Variants in EGF observed in about 807,000 individuals in gnomAD.
The protein encoded by EGF is pro-epidermal growth factor.
In EGF, 95 loss-of-function variants were observed where a neutral mutation model predicts 143.8. The ratio of observed to expected loss-of-function variants is 0.66; its 90% CI spans 0.56 to 0.78. The LOEUF (loss-of-function observed/expected upper bound fraction) is 0.78, where lower values mean the gene tolerates loss of function less well. Among genes scored for constraint, EGF ranks in the 30% least tolerant of loss-of-function variants. The pLI is 0.00. For synonymous variants in EGF, 510 were observed against 510.5 expected, an observed-to-expected ratio of 1.00 and a Z score of 0.01; for missense variants, 1,320 against 1,470.9, an observed-to-expected ratio of 0.90 and a Z score of 1.68.
intron 1 of EGF, among the ~76,000 whole-genome samples, chr4:109,930,613 T>C (rs1048337232): frequency 6.6e-6 from 1 of 152,234 alleles, no homozygotes; most frequent in African/African-American, 2.4e-5. Flanking sequence ...AATCTGGTTG[T>C]GGTTATCATT....
chr4:109,983,501 A>G lies in EGF; in HGVS notation c.2451A>G (p.Thr817=). Residue 817 remains threonine (T), a synonymous_variant, in exon 16 of 24, where the codon ACA becomes ACG. Coordinates refer to ENST00000265171, the MANE Select transcript of EGF (RefSeq NM_001963.6). ...CTAGAGTGTCAGAAGATAACATTAC[A>G]GAATCTCAACACATGCTAGTGGCTG... The part of the protein sequence containing the change: ...SKTRVSEDNI[T]ESQHMLVAEI... 1 of 1,613,872 alleles carries G rather than the reference A, an allele frequency of 6.2e-7. No individual in the cohort carries two copies. The highest frequency in any genetic ancestry group is 1.1e-5 in the South Asian group (1 of 91,078).
intron 4 of EGF, among the ~76,000 whole-genome samples, 194 bp from the exon 5 acceptor site, chr4:109,944,879 T>C (rs1345363987): frequency 6.6e-6 from 1 of 152,230 alleles, no homozygotes; most frequent in African/African-American, 2.4e-5. Flanking sequence ...GAGCTAGAAA[T>C]TATATCTTAT....
chr4:109,988,380 G>A (rs918129209), intron 17 of EGF, among the ~76,000 whole-genome samples: 2 of 152,104 alleles, frequency 1.3e-5, no homozygotes, highest in Non-Finnish European at 2.9e-5. Flanking sequence ...TTGCCTAATC[G>A]GATAGGTGGG....
intron 15 of EGF, among the ~76,000 whole-genome samples, chr4:109,982,955 T>C (rs1749601193): frequency 6.6e-6 from 1 of 152,156 alleles, no homozygotes; most frequent in Non-Finnish European, 1.5e-5. Context: ...ATGCCTGTAT[T>C]AAATCATGAC....
Position 110,004,313 on chromosome 4 carries a change from C to T in EGF, c.3174-192C>T, listed in dbSNP as rs3733627. On this transcript the variant is annotated intron_variant, in intron 21 of 23. Coordinates refer to ENST00000265171, the MANE Select transcript of EGF (RefSeq NM_001963.6). ...AAAGAGTGAAACACTGTCTGGAAAGCATTTTGAGTTCTGCAGAAAAGACTG... is the reference window on the plus strand; with the variant it reads ...AAAGAGTGAAACACTGTCTGGAAAGTATTTTGAGTTCTGCAGAAAAGACTG... 0.069 allele frequency: 45,900 copies of T among 664,280 alleles called. 6,216 individuals carry two copies. Among genetic ancestry groups the T allele is most frequent in the East Asian group, 0.41 (14,636 of 35,946 alleles). 41.1% of individuals were successfully genotyped at this position (664,280 alleles called of 1,614,324 possible).
chr4:110,005,796 G>A (rs1460308321), intron 22 of EGF, among the ~76,000 whole-genome samples: 1 of 152,182 alleles, frequency 6.6e-6, no homozygotes, highest in African/African-American at 2.4e-5. Context: ...ATACATGGCA[G>A]GTCCATGGAG....
At chr4:109,948,724 G>A (rs1743288405) in intron 5 of EGF, among the ~76,000 whole-genome samples, 1 of 152,004 alleles carries the variant, frequency 6.6e-6, no homozygotes, top group Non-Finnish European at 1.5e-5. Flanking sequence ...GAGCTCAAGC[G>A]ATCTGCCTGC....
intron 1 of EGF, among the ~76,000 whole-genome samples, chr4:109,916,733 G>A (rs924963614): frequency 5.2e-5 from 7 of 134,036 alleles, no homozygotes; most frequent in Non-Finnish European, 1.1e-4. Flanking sequence ...CGATAAGCCC[G>A]AGATTCTATT....
intron 8 of EGF, among the ~76,000 whole-genome samples, chr4:109,962,869 C>G (rs1260511826): frequency 6.6e-6 from 1 of 151,992 alleles, no homozygotes; most frequent in Non-Finnish European, 1.5e-5. Flanking sequence ...GAGTTTGAGA[C>G]CAGCCTGGCC....
At chr4:109,991,602 GA>G (rs1300475980) in intron 18 of EGF, among the ~76,000 whole-genome samples, 1 of 151,900 alleles carries the variant, frequency 6.6e-6, no homozygotes, top group Non-Finnish European at 1.5e-5. Flanking sequence ...AGCTGAGAAA[GA>G]AAAAATGGTG....
intron 6 of EGF, among the ~76,000 whole-genome samples, chr4:109,960,084 C>T (rs1745445028): frequency 1.3e-5 from 2 of 152,178 alleles, no homozygotes; most frequent in South Asian, 4.1e-4. Context: ...CCCCTGCTTA[C>T]ATGGGACCAA....
chr4:109,961,413 G>A (rs900962562), intron 7 of EGF, among the ~76,000 whole-genome samples: 2 of 152,092 alleles, frequency 1.3e-5, no homozygotes, highest in Non-Finnish European at 2.9e-5. Context: ...TATCAAATCA[G>A]AACCTCTCAG....
At chr4:109,989,058 A>T (rs976978006) in intron 18 of EGF, among the ~76,000 whole-genome samples, 1 of 152,260 alleles carries the variant, frequency 6.6e-6, no homozygotes, top group Admixed American at 6.5e-5. Context: ...TTGTCAGTGA[A>T]TTTGGTAAGA....
chr4:110,007,346 C>G (rs925803477), intron 22 of EGF, among the ~76,000 whole-genome samples: 1 of 152,124 alleles, frequency 6.6e-6, no homozygotes, highest in Non-Finnish European at 1.5e-5. Context: ...GCGTGATCGG[C>G]CAAAACCTTG....
intron 13 of EGF, 142 bp from the exon 14 acceptor site, chr4:109,979,830 C>T (rs1156738941): frequency 8.9e-6 from 8 of 895,494 alleles, no homozygotes; most frequent in Admixed American, 2.1e-5. Flanking sequence ...GTGTGTGAGT[C>T]GGTGGCTCAC....
chr4:109,971,119 T>C (rs1468211008), intron 11 of EGF, among the ~76,000 whole-genome samples: 1 of 152,094 alleles, frequency 6.6e-6, no homozygotes, highest in Admixed American at 6.6e-5. Flanking sequence ...TAAAATAACT[T>C]TCCCAAGGTC....
intron 18 of EGF, among the ~76,000 whole-genome samples, chr4:109,991,408 C>T (rs1165535319): frequency 6.6e-6 from 1 of 152,048 alleles, no homozygotes; most frequent in Non-Finnish European, 1.5e-5. Flanking sequence ...CAGGGAGCCA[C>T]TGGCAGCATT....
intron 18 of EGF, among the ~76,000 whole-genome samples, chr4:109,990,530 G>A (rs1750788824): frequency 6.6e-6 from 1 of 152,198 alleles, no homozygotes; most frequent in Non-Finnish European, 1.5e-5. Flanking sequence ...GCCTAGTTGA[G>A]CACTAAGTTT....
chr4:109,937,658 T>C (rs543829174), intron 1 of EGF, among the ~76,000 whole-genome samples: 2 of 152,360 alleles, frequency 1.3e-5, no homozygotes, highest in East Asian at 3.9e-4. Flanking sequence ...TACCGGTTCT[T>C]CCTTTCCATA....
Sources: allele counts gnomAD v4.1 joint callset (sites outside exome capture counted in the v4.1 genomes callset), GRCh38; gene constraint gnomAD v4.1.1; transcripts MANE v1.5; gene names NCBI Gene and HGNC (gene_info 2026-07-23, HGNC 2026-07-21).